The following VPS13D variants were observed in gnomAD, a reference collection of about 807,000 sequenced individuals.
VPS13D encodes the protein intermembrane lipid transfer protein VPS13D.
Under a neutral mutation model 461.9 loss-of-function variants are expected in VPS13D, and 187 were observed. The ratio of observed to expected loss-of-function variants is 0.40; its 90% confidence interval spans 0.36 to 0.46. VPS13D has a LOEUF of 0.46. VPS13D is among the 20% of genes least tolerant of loss of function. The pLI, the probability that VPS13D is intolerant of heterozygous loss-of-function variation, is 0.60. For missense variants in VPS13D, 4,711 were observed against 5,364.9 expected, an observed-to-expected ratio of 0.88 and a Z score of 3.81; for synonymous variants, 1,951 against 1,986.3, an observed-to-expected ratio of 0.98 and a Z score of 0.47.
At chr1:12,352,925 A>G (rs997507274) in intron 46 of VPS13D, among the ~76,000 whole-genome samples, 3 of 126,810 alleles carry the variant, frequency 2.4e-5, no homozygotes, top group Non-Finnish European at 4.8e-5. Flanking sequence ...AGATAGCACT[A>G]TTGCACTCCA....
chr1:12,278,234 A>G (rs1488250299), intron 19 of VPS13D, among the ~76,000 whole-genome samples, 196 bp downstream of exon 19: 2 of 152,132 alleles, frequency 1.3e-5, no homozygotes, highest in Non-Finnish European at 2.9e-5. Context: ...ATTTAATGTC[A>G]TATTTGACAA....
intron 65 of VPS13D, among the ~76,000 whole-genome samples, chr1:12,419,847 A>G (rs1361039156): frequency 6.6e-6 from 1 of 152,196 alleles, no homozygotes; most frequent in Non-Finnish European, 1.5e-5. Context: ...TGCTGTGCGA[A>G]CATCATAGAG....
intron 9 of VPS13D, 29 bp from the exon 10 acceptor site, chr1:12,257,906 A>C: frequency 6.2e-7 from 1 of 1,612,006 alleles, no homozygotes; most frequent in Non-Finnish European, 8.5e-7. Flanking sequence ...TGTTGTAAGA[A>C]GTGATTACAT....
Position 12,273,054 on chromosome 1 carries a change from A to G in VPS13D, c.2155A>G (p.Ile719Val). 2 of 1,614,100 alleles carry G rather than the reference A, an allele frequency of 1.2e-6. No homozygotes were observed. Among genetic ancestry groups the G allele is most frequent in the Non-Finnish European group, 1.7e-6 (2 of 1,179,982 alleles). The stretch of plus-strand genomic sequence containing the variant: ...GCTGGATATTTCTGCCCCTCAGGTG[A>G]TATTTCCTGATGATTTCAAATTCAA... ...VRLDISAPQV[I>V]FPDDFKFKNP... The change falls in exon 18 of 70, where the codon ATA becomes GTA. Residue 719 changes from isoleucine (I) to valine (V), a missense_variant. Coordinates refer to ENST00000620676, the MANE Select transcript of VPS13D (RefSeq NM_015378.4).
At chr1:12,485,342 G>C (rs1048475632) in intron 67 of VPS13D, among the ~76,000 whole-genome samples, 2 of 152,216 alleles carry the variant, frequency 1.3e-5, no homozygotes, top group African/African-American at 4.8e-5. Flanking sequence ...AGGATGGCCA[G>C]CCCAGGGTTG....
At position 12,338,219 on chromosome 1, in the gene VPS13D, C is replaced by A. The variant is rs1643491470; in HGVS notation, c.8552-12C>A. On this transcript the variant is annotated splice_polypyrimidine_tract_variant and intron_variant, in intron 39 of 69. Transcript: ENST00000620676. ...ATTCTTAGCCTCTAACTTTGTCTCTCCTGTCTACCAGGCCTCCCCCTTGTC... is the reference window on the plus strand; with the variant it reads ...ATTCTTAGCCTCTAACTTTGTCTCTACTGTCTACCAGGCCTCCCCCTTGTC... 1 of 1,611,518 alleles carries A rather than the reference C, an allele frequency of 6.2e-7. No individual in the cohort carries two copies.
chr1:12,240,204 G>A (rs1435033951), intron 2 of VPS13D, among the ~76,000 whole-genome samples: 1 of 151,940 alleles, frequency 6.6e-6, no homozygotes, highest in African/African-American at 2.4e-5. Flanking sequence ...TTCGTGGTGC[G>A]AGTTGCCTGC....
intron 39 of VPS13D, 195 bp downstream of exon 39, chr1:12,336,022 C>T: frequency 1.5e-6 from 1 of 683,808 alleles, no homozygotes; most frequent in Non-Finnish European, 2.3e-6. Flanking sequence ...TAAATGTGGG[C>T]TGTAATTCCA....
At chr1:12,504,116 A>C (rs1271450382) in intron 68 of VPS13D, among the ~76,000 whole-genome samples, 1 of 152,176 alleles carries the variant, frequency 6.6e-6, no homozygotes, top group African/African-American at 2.4e-5. Flanking sequence ...CTGTTTAATT[A>C]TTCTTTGATG....
Position 12,277,531 on chromosome 1 carries a change from C to T in VPS13D, c.3943C>T (p.Arg1315Ter), listed in dbSNP as rs1014084562. 3 of 1,613,908 alleles carry T rather than the reference C, an allele frequency of 1.9e-6. No homozygotes were observed. The highest frequency in any genetic ancestry group is 1.7e-6 in the Non-Finnish European group (2 of 1,180,028). The change falls in exon 19 of 70, where the codon CGA becomes TGA. Residue 1315 changes from arginine to a stop codon, truncating the protein, a stop_gained. Transcript: ENST00000620676. LOFTEE classifies it high-confidence loss of function. ...CATGGATGAACTGGAAGAAAATTTT[C>T]GAGGTATGCTGAAAAGCGCAGCCAC... ...LSMDELEENF[R>*]GMLKSAATKV...
In VPS13D at chr1:12,368,407, A is replaced by G; in HGVS notation, c.10449-61A>G. 2.0e-6 allele frequency: 3 copies of G among 1,534,844 alleles called. No homozygotes were observed. In the South Asian group the frequency reaches 3.8e-5, roughly 20 times the overall value. ...TGTGATTGTCAGAAATATGAGAAGT[A>G]AGTGGATGGCATCTTGTCTCCTACA... On this transcript the variant is annotated intron_variant, in intron 52 of 69. Transcript: ENST00000620676.
intron 12 of VPS13D, among the ~76,000 whole-genome samples, chr1:12,261,635 G>A (rs1276995652): frequency 6.6e-6 from 1 of 152,218 alleles, no homozygotes; most frequent in Non-Finnish European, 1.5e-5. Context: ...ATTTCACCAT[G>A]CTGGGCAGCA....
At chr1:12,454,319 C>T (rs1484003816) in intron 65 of VPS13D, among the ~76,000 whole-genome samples, 1 of 152,224 alleles carries the variant, frequency 6.6e-6, no homozygotes, top group African/African-American at 2.4e-5. Flanking sequence ...ACTGAAGCCA[C>T]TCCTTAGTGA....
chr1:12,373,974 A>C (rs78224706), intron 55 of VPS13D, 116 bp downstream of exon 55: 17,557 of 670,700 alleles, frequency 0.026, 291 homozygotes, highest in Non-Finnish European at 0.03. Flanking sequence ...CTTGTGTGGA[A>C]CCCAGGCCTC....
At chr1:12,461,829 C>T (rs547821148) in intron 67 of VPS13D, among the ~76,000 whole-genome samples, 18 of 152,128 alleles carry the variant, frequency 1.2e-4, no homozygotes, top group African/African-American at 4.1e-4. Flanking sequence ...ATAATGTTGA[C>T]GAGAAAGAAA....
At chr1:12,440,130 C>T (rs532780857) in intron 65 of VPS13D, among the ~76,000 whole-genome samples, 1 of 152,220 alleles carries the variant, frequency 6.6e-6, no homozygotes, top group Non-Finnish European at 1.5e-5. Context: ...ACAAGTGATG[C>T]CTGGGCTCCT....
rs79773061 is a variant in VPS13D, at chr1:12,356,602, G to C, written c.9998+78G>C. 7 of 1,531,576 alleles carry C rather than the reference G, an allele frequency of 4.6e-6. No individual in the cohort carries two copies. In the East Asian group the frequency reaches 1.6e-4, roughly 35 times the overall value. The allele number at this position is 1,531,576 out of a possible 1,614,324, so 94.9% of individuals were successfully genotyped here. ...AATTAGTAAAGGCTATAATATATCC[G>C]TGTAAGTAGAAATATACTGTAGATA... On this transcript the variant is annotated intron_variant, in intron 49 of 69. Coordinates refer to ENST00000620676, the MANE Select transcript of VPS13D (RefSeq NM_015378.4).
intron 60 of VPS13D, among the ~76,000 whole-genome samples, chr1:12,398,385 A>C (rs1275125513): frequency 6.8e-6 from 1 of 146,894 alleles, no homozygotes; most frequent in Non-Finnish European, 1.5e-5. Context: ...TTTGAGACGG[A>C]GTCTCGTTCT....
At chr1:12,388,133 G>A (rs1482980595) in intron 60 of VPS13D, among the ~76,000 whole-genome samples, 1 of 152,186 alleles carries the variant, frequency 6.6e-6, no homozygotes, top group Non-Finnish European at 1.5e-5. Context: ...AAGGCTGAAG[G>A]GGAGAAATGG....
Sources: allele counts gnomAD v4.1 joint callset (sites outside exome capture counted in the v4.1 genomes callset), GRCh38; gene constraint gnomAD v4.1.1; transcripts MANE v1.5; gene names NCBI Gene and HGNC (gene_info 2026-07-23, HGNC 2026-07-21).